The following NIPA2 variants were observed in gnomAD, a reference collection of about 807,000 sequenced individuals.
The protein encoded by NIPA2 is magnesium transporter NIPA2.
In NIPA2, 11 loss-of-function variants were observed where a neutral mutation model predicts 29.7. The observed-to-expected ratio is 0.37, with a 90% CI of 0.23 to 0.61. The LOEUF is 0.61. NIPA2 is among the 20% of genes least tolerant of loss of function. NIPA2 has a pLI of 0.66. For synonymous variants in NIPA2, 183 were observed against 161.9 expected, an observed-to-expected ratio of 1.13 and a Z score of -0.99; for missense variants, 426 against 437.9, an observed-to-expected ratio of 0.97 and a Z score of 0.24.
chr15:22,867,819 G>A lies in NIPA2; in HGVS notation c.*972G>A. 6.6e-6 allele frequency: 1 copy of A among 151,206 alleles called. No individual in the cohort carries two copies. The highest frequency in any genetic ancestry group is 1.5e-5 in the Non-Finnish European group (1 of 67,808). 9.4% of individuals were successfully genotyped at this position (151,206 alleles called of 1,614,324 possible). ...GTACTTTGCTTAAGAGCTCCTTTGG[G>A]CCACTACATATTTTGGTTTCTAGAA... is the stretch of plus-strand genomic sequence containing the variant. On this transcript the variant is annotated 3_prime_UTR_variant, in exon 8 of 8. Coordinates refer to ENST00000337451, the MANE Select transcript of NIPA2 (RefSeq NM_030922.7).
At chr15:22,845,846 G>C (rs774784696) in intron 3 of NIPA2, among the ~76,000 whole-genome samples, 15 of 151,980 alleles carry the variant, frequency 9.9e-5, no homozygotes, top group Non-Finnish European at 2.2e-4. Flanking sequence ...TTTTGTGTTT[G>C]AAATTTCCCA....
chr15:22,851,788 C>T lies in NIPA2; in HGVS notation c.57C>T (p.Ser19=), dbSNP rs780952491. The T allele has an allele frequency of 3.1e-6, 5 of 1,613,482 alleles. No individual in the cohort carries two copies. In the South Asian group the frequency reaches 3.3e-5, roughly 11 times the overall value. ...DFYIGLGLAM[S]SSIFIGGSFI... ...ATATTGGTCTGGGATTGGCTATGAG[C>T]TCCAGCATTTTCATTGGAGGAAGTT... The change falls in exon 4 of 8, where the codon AGC becomes AGT. Residue 19 remains serine, a synonymous_variant. Coordinates refer to ENST00000337451, the MANE Select transcript of NIPA2 (RefSeq NM_030922.7).
intron 5 of NIPA2, among the ~76,000 whole-genome samples, chr15:22,857,836 CAAAA>C (rs60523225): frequency 2.0e-4 from 14 of 68,788 alleles, no homozygotes; most frequent in South Asian, 1.0e-3. Flanking sequence ...GACTCCATCT[CAAAA>C]AAAAAAAAAA....
At chr15:22,841,157 C>T (rs1478560562) in intron 2 of NIPA2, among the ~76,000 whole-genome samples, 1 of 152,006 alleles carries the variant, frequency 6.6e-6, no homozygotes, top group Non-Finnish European at 1.5e-5. Flanking sequence ...CTGCTTTTGT[C>T]ATAAAAAAGT....
chr15:22,862,034 G>C (rs1424933425), intron 7 of NIPA2, among the ~76,000 whole-genome samples: 1 of 143,218 alleles, frequency 7.0e-6, no homozygotes, highest in South Asian at 2.3e-4. Context: ...ACCATGCCTC[G>C]CCTGATGGGT....
intron 4 of NIPA2, among the ~76,000 whole-genome samples, chr15:22,852,677 G>A (rs2057862282): frequency 6.6e-6 from 1 of 152,114 alleles, no homozygotes; most frequent in African/African-American, 2.4e-5. Flanking sequence ...AGACCCTGCG[G>A]GGTAATCAGG....
chr15:22,864,463 C>T (rs1394206411), intron 7 of NIPA2, among the ~76,000 whole-genome samples: 1 of 151,934 alleles, frequency 6.6e-6, no homozygotes, highest in Non-Finnish European at 1.5e-5. Flanking sequence ...CTGCTGTCCT[C>T]TGTTATGTAA....
intron 6 of NIPA2, among the ~76,000 whole-genome samples, chr15:22,860,374 A>G (rs368390335): frequency 6.6e-6 from 1 of 152,212 alleles, no homozygotes; most frequent in African/African-American, 2.4e-5. Context: ...TCTTTATTAT[A>G]AATTTCATAC....
chr15:22,865,893 C>T (rs575119676), intron 7 of NIPA2, among the ~76,000 whole-genome samples: 1 of 152,174 alleles, frequency 6.6e-6, no homozygotes, highest in East Asian at 1.9e-4. Context: ...CATGGTTTCT[C>T]CTCCCTAGTT....
intron 3 of NIPA2, among the ~76,000 whole-genome samples, chr15:22,848,245 T>G (rs17137358): frequency 0.21 from 32,034 of 152,012 alleles, 3,600 homozygotes; most frequent in Admixed American, 0.31. Flanking sequence ...TATAACCATT[T>G]TCCTTGCATT....
intron 3 of NIPA2, among the ~76,000 whole-genome samples, chr15:22,849,694 G>A (rs1166634110): frequency 2.0e-5 from 3 of 151,986 alleles, no homozygotes; most frequent in Non-Finnish European, 2.9e-5. Context: ...CAAGTAGCTG[G>A]AACTACAGGC....
rs758660157 is a variant in NIPA2 at position 22,866,850 on chromosome 15, A to G, written c.*3A>G. The G allele has an allele frequency of 7.3e-7, 1 of 1,377,830 alleles. No homozygotes were observed. The highest frequency in any genetic ancestry group is 9.9e-7 in the Non-Finnish European group (1 of 1,007,224). 85.4% of individuals were successfully genotyped at this position (1,377,830 alleles called of 1,614,324 possible). Reference sequence around the variant, plus strand: ...ATGGAAATCTGACAGCTTTTTAAGAAAGGTGTAATTAAAGGTTAATCTGTG... The same window carrying G: ...ATGGAAATCTGACAGCTTTTTAAGAGAGGTGTAATTAAAGGTTAATCTGTG... On this transcript the variant is annotated 3_prime_UTR_variant, in exon 8 of 8. Coordinates refer to ENST00000337451, the MANE Select transcript of NIPA2 (RefSeq NM_030922.7).
chr15:22,854,473 G>A lies in NIPA2; in HGVS notation c.196+1205G>A, dbSNP rs189055868. Among the ~76,000 whole-genome samples the A allele has an allele frequency of 4.1e-3, 616 of 151,500 alleles. 4 individuals carry two copies. The highest frequency in any genetic ancestry group is 0.014 in the African/African-American group (595 of 41,440). On this transcript the variant is annotated intron_variant, in intron 5 of 7. Coordinates refer to ENST00000337451, the MANE Select transcript of NIPA2 (RefSeq NM_030922.7). The stretch of plus-strand genomic sequence containing the variant: ...ATTAAATTATTATTGGGCCGGGCGC[G>A]GTGGCTCACACCTGTAATCCCAGCA...
intron 5 of NIPA2, among the ~76,000 whole-genome samples, chr15:22,854,302 T>G (rs138930940): frequency 0.073 from 11,059 of 151,336 alleles, 746 homozygotes; most frequent in African/African-American, 0.18. Context: ...AATTTTTGTA[T>G]TTTTAGTAGG....
intron 7 of NIPA2, among the ~76,000 whole-genome samples, chr15:22,864,489 G>C (rs773538385): frequency 2.0e-4 from 30 of 152,124 alleles, no homozygotes; most frequent in Non-Finnish European, 3.1e-4. Context: ...GGGCTGGTCA[G>C]ATCCCCAGCA....
chr15:22,851,744 C>G lies in NIPA2; in HGVS notation c.13C>G (p.Arg5Gly), dbSNP rs1313271562. The change falls in exon 4 of 8, where the codon CGT (arginine) becomes GGT (glycine). Residue 5 changes from arginine (R) to glycine (G), a missense_variant. By Grantham distance (125) the Arg-to-Gly change is moderately radical. Coordinates refer to ENST00000337451, the MANE Select transcript of NIPA2 (RefSeq NM_030922.7). ...AGTAACAAACGAAATGAGCCAGGGG[C>G]GTGGAAAATATGACTTCTATATTGG... MSQG[R>G]GKYDFYIGLG... is the part of the protein sequence containing the mutation. 5.6e-6 allele frequency: 9 copies of G among 1,610,712 alleles called. No individual in the cohort carries two copies. Among genetic ancestry groups the G allele is most frequent in the Non-Finnish European group, 7.6e-6 (9 of 1,178,778 alleles).
At chr15:22,843,641 T>C (rs1178178630) in intron 2 of NIPA2, among the ~76,000 whole-genome samples, 1 of 149,360 alleles carries the variant, frequency 6.7e-6, no homozygotes, top group Non-Finnish European at 1.5e-5. Flanking sequence ...TTTGGTGTAA[T>C]TTTTTCAATT....
rs11410234 is a variant in NIPA2, at chr15:22,856,391, CT to C, written c.197-2138del. Among the ~76,000 whole-genome samples the C allele has an allele frequency of 2.7e-3, 392 of 146,384 alleles. 3 individuals carry two copies. Among genetic ancestry groups the C allele is most frequent in the South Asian group, 0.01 (48 of 4,582 alleles). ...AATTAGTTAAAAAGCTTTCTCCAAG[CT>C]TTTTTTTTTTCTTTTTGAGAAGTCA... is the stretch of plus-strand genomic sequence containing the variant. On this transcript the variant is annotated intron_variant, in intron 5 of 7. Transcript: ENST00000337451.
In NIPA2 at chr15:22,862,640, TTGTC is replaced by T. The variant is rs1360390587; in HGVS notation, c.448+1854_448+1857del. On this transcript the variant is annotated intron_variant, in intron 7 of 7. Coordinates refer to ENST00000337451, the MANE Select transcript of NIPA2 (RefSeq NM_030922.7). ...TTGATTCCTAGTTATTTTAAAGTCT[TTGTC>T]TGCTAACTTTAGTTTTAGAATTCTT... Among the ~76,000 whole-genome samples the T allele has an allele frequency of 5.3e-5, 8 of 152,288 alleles. No individual in the cohort carries two copies. In the East Asian group the frequency reaches 1.2e-3, roughly 22 times the overall value.
Sources: allele counts gnomAD v4.1 joint callset (sites outside exome capture counted in the v4.1 genomes callset), GRCh38; gene constraint gnomAD v4.1.1; transcripts MANE v1.5; gene names NCBI Gene and HGNC (gene_info 2026-07-23, HGNC 2026-07-21).